The following CHRM5 variants were observed in gnomAD, a reference collection of about 807,000 sequenced individuals.
CHRM5 encodes cholinergic receptor muscarinic 5, also known as muscarinic acetylcholine receptor M5.
CHRM5 carries 18 observed loss-of-function variants against 39.0 expected under a neutral mutation model. The observed-to-expected ratio is 0.46, with a 90% CI of 0.32 to 0.68. The LOEUF is 0.68. Ranked by LOEUF, CHRM5 falls within the 30% of genes least tolerant of loss-of-function variation. The probability of loss-of-function intolerance (pLI) is 0.04; values close to 1 mark genes in which losing one functional copy is unlikely to be tolerated. For synonymous variants in CHRM5, 241 were observed against 246.3 expected, an observed-to-expected ratio of 0.98 and a Z score of 0.20; for missense variants, 515 against 651.1, an observed-to-expected ratio of 0.79 and a Z score of 2.28.
At chr15:34,038,765 G>A in intron 1 of CHRM5, 1 of 1,166,310 alleles carries the variant, frequency 8.6e-7, no homozygotes. Context: ...AGCCCCACCA[G>A]CCGTCGCCTC....
At chr15:34,009,923 C>T (rs971906921) in intron 1 of CHRM5, among the ~76,000 whole-genome samples, 2 of 152,082 alleles carry the variant, frequency 1.3e-5, no homozygotes, top group Non-Finnish European at 2.9e-5. Context: ...GATCATGACA[C>T]TGTACTCCAG....
intron 1 of CHRM5, chr15:34,003,260 T>A: frequency 6.4e-7 from 1 of 1,564,052 alleles, no homozygotes; most frequent in Non-Finnish European, 8.7e-7. Context: ...ATCCTGACCT[T>A]AGTAGACTTC....
intron 1 of CHRM5, among the ~76,000 whole-genome samples, chr15:33,980,405 G>A (rs1413332371): frequency 2.6e-5 from 4 of 152,146 alleles, no homozygotes; most frequent in South Asian, 2.1e-4. Context: ...CATTACTTAC[G>A]CAAGGCTGTT....
chr15:33,999,023 T>C (rs1367018243), intron 1 of CHRM5, among the ~76,000 whole-genome samples: 1 of 152,234 alleles, frequency 6.6e-6, no homozygotes, highest in Non-Finnish European at 1.5e-5. Flanking sequence ...GCCTATTAGA[T>C]GTTGTGCTGG....
At chr15:34,012,834 T>C (rs1174574137) in intron 1 of CHRM5, among the ~76,000 whole-genome samples, 1 of 152,202 alleles carries the variant, frequency 6.6e-6, no homozygotes, top group Non-Finnish European at 1.5e-5. Flanking sequence ...AGAAATCACA[T>C]TGCACCAGTC....
At chr15:34,024,472 CAAAAAA>C (rs10531898) in intron 1 of CHRM5, among the ~76,000 whole-genome samples, 5 of 101,930 alleles carry the variant, frequency 4.9e-5, no homozygotes, top group Admixed American at 9.8e-5. Flanking sequence ...GACCCTGTCT[CAAAAAA>C]AAAAAAAAAA....
chr15:34,034,330 A>T (rs1899012477), intron 1 of CHRM5, among the ~76,000 whole-genome samples: 1 of 151,838 alleles, frequency 6.6e-6, no homozygotes. Context: ...ACTCCCACCT[A>T]CTCAGGAGGC....
chr15:34,063,302 T>C lies in CHRM5; in HGVS notation c.585T>C (p.Phe195=). The change falls in exon 3 of 3, where the codon TTT becomes TTC. Residue 195 remains phenylalanine, a synonymous_variant. Transcript: ENST00000383263. The surrounding 1 kb of genome is among the most constrained non-coding windows in gnomAD (Gnocchi z 4.1). ...IQFLSEPTIT[F]GTAIAAFYIP... ...TTCTCTCTGAGCCCACCATCACTTTTGGCACTGCCATTGCTGCCTTCTACA... is the reference window on the plus strand; with the variant it reads ...TTCTCTCTGAGCCCACCATCACTTTCGGCACTGCCATTGCTGCCTTCTACA... 1 of 1,614,202 alleles carries C rather than the reference T, an allele frequency of 6.2e-7. No homozygotes were observed. The highest frequency in any genetic ancestry group is 1.1e-5 in the South Asian group (1 of 91,086).
chr15:34,046,856 C>G lies in CHRM5; in HGVS notation c.-91C>G, dbSNP rs982374790. 1 of 152,302 alleles carries G rather than the reference C, an allele frequency of 6.6e-6. No individual in the cohort carries two copies. The highest frequency in any genetic ancestry group is 1.5e-5 in the Non-Finnish European group (1 of 68,128). 9.4% of individuals were successfully genotyped at this position (152,302 alleles called of 1,614,324 possible). A position where few individuals can be genotyped will look rare whatever the true frequency, so the allele number is the denominator to read the frequency against. The stretch of plus-strand genomic sequence containing the variant: ...CACAGAGCCAAAGGAACCCCCACCT[C>G]CAGCCAAGGGAAGCGGTGAGTGATT... On this transcript the variant is annotated 5_prime_UTR_variant, in exon 2 of 3. Transcript: ENST00000383263.
chr15:34,050,143 C>A (rs535684702), intron 2 of CHRM5, among the ~76,000 whole-genome samples: 1 of 152,280 alleles, frequency 6.6e-6, no homozygotes, highest in Non-Finnish European at 1.5e-5. Context: ...CCACCTCGGC[C>A]TCCCAAAGTG....
At chr15:34,019,599 A>G (rs1898113411) in intron 1 of CHRM5, among the ~76,000 whole-genome samples, 1 of 152,194 alleles carries the variant, frequency 6.6e-6, no homozygotes, top group African/African-American at 2.4e-5. Context: ...AAAGCACCCC[A>G]TACAGGTTTA....
intron 1 of CHRM5, among the ~76,000 whole-genome samples, chr15:34,024,341 G>T (rs758146824): frequency 6.6e-6 from 1 of 151,934 alleles, no homozygotes; most frequent in Non-Finnish European, 1.5e-5. Context: ...AGTGATGGGC[G>T]GCAATCTCTA....
At chr15:34,038,924 T>TCCG in intron 1 of CHRM5, 2 of 718,286 alleles carry the variant, frequency 2.8e-6, no homozygotes, top group Non-Finnish European at 3.5e-6. Context: ...CGCCGCCGCC[T>TCCG]CCGCCGCCGC....
chr15:34,006,310 C>CAA (rs796228574), intron 1 of CHRM5, among the ~76,000 whole-genome samples: 122 of 121,332 alleles, frequency 1.0e-3, no homozygotes, highest in East Asian at 1.8e-3. Context: ...GACTCCGTCT[C>CAA]AAAAAAAAAA....
intron 2 of CHRM5, 74 bp from the exon 3 acceptor site, chr15:34,062,569 A>AAAAG: frequency 1.5e-6 from 1 of 688,214 alleles, no homozygotes; most frequent in African/African-American, 1.8e-5. Context: ...AAAAAAAAAA[A>AAAAG]AAAAACTATA....
intron 1 of CHRM5, among the ~76,000 whole-genome samples, chr15:34,022,613 G>A (rs1478512526): frequency 6.6e-6 from 1 of 152,162 alleles, no homozygotes; most frequent in Non-Finnish European, 1.5e-5. Flanking sequence ...TCTGCATGCT[G>A]GTAAAATTCC....
intron 2 of CHRM5, among the ~76,000 whole-genome samples, chr15:34,052,306 T>C (rs912884279): frequency 6.6e-6 from 1 of 152,068 alleles, no homozygotes; most frequent in African/African-American, 2.4e-5. Context: ...TCCCTTCATA[T>C]TAAAAACTCT....
intron 2 of CHRM5, among the ~76,000 whole-genome samples, chr15:34,049,341 C>T (rs1375548034): frequency 1.3e-5 from 2 of 152,118 alleles, no homozygotes; most frequent in East Asian, 3.9e-4. Context: ...GCCAGAGTAG[C>T]CAGTTTAGAG....
chr15:34,033,363 G>A (rs56743146), intron 1 of CHRM5, among the ~76,000 whole-genome samples: 15,738 of 152,076 alleles, frequency 0.1, 1,031 homozygotes, highest in East Asian at 0.33. Context: ...AAAATTAGCC[G>A]GGTGTGGCGG....
Sources: allele counts gnomAD v4.1 joint callset (sites outside exome capture counted in the v4.1 genomes callset), GRCh38; gene constraint gnomAD v4.1.1; non-coding constraint Gnocchi (gnomAD v3.1); transcripts MANE v1.5; gene names NCBI Gene and HGNC (gene_info 2026-07-23, HGNC 2026-07-21).